ADGRV1: variants seen among roughly 807,000 people sequenced by gnomAD.
ADGRV1 encodes the protein G-protein coupled receptor 98.
In ADGRV1, 359 loss-of-function variants were observed where a neutral mutation model predicts 596.2. That is an observed-to-expected ratio of 0.60 (90% CI 0.55 to 0.66). The LOEUF (loss-of-function observed/expected upper bound fraction) is 0.66, where lower values mean the gene tolerates loss of function less well. Among genes scored for constraint, ADGRV1 ranks in the 30% least tolerant of loss-of-function variants. The pLI, the probability that ADGRV1 is intolerant of heterozygous loss-of-function variation, is 0.00. For synonymous variants in ADGRV1, 2,681 were observed against 2,679.2 expected, an observed-to-expected ratio of 1.00 and a Z score of -0.02; for missense variants, 7,274 against 7,575.6, an observed-to-expected ratio of 0.96 and a Z score of 1.48.
chr5:90,788,029 G>A (rs200214085), intron 67 of ADGRV1, 42 bp from the exon 68 acceptor site: 8 of 1,432,102 alleles, frequency 5.6e-6, no homozygotes, highest in Middle Eastern at 1.8e-4. Context: ...GCTTAAAATT[G>A]ATCTCTATTA....
rs757644038 is a variant in ADGRV1, at chr5:90,725,171, A to G, written c.9992A>G (p.Asn3331Ser). Reference sequence around the variant, plus strand: ...TTTGTGATTACTCATGAAGAAAGAAATGAAGAAAAGCCTTCTCTTAACAGT... The same window carrying G: ...TTTGTGATTACTCATGAAGAAAGAAGTGAAGAAAAGCCTTCTCTTAACAGT... ...PYFVITHEER[N>S]EEKPSLNSVF... The change falls in exon 47 of 90, where the codon AAT becomes AGT. Residue 3331 changes from asparagine (N) to serine (S), a missense_variant. Asn to Ser is a conservative substitution (Grantham distance 46). Around this residue, in one of 5 missense-constraint regions of ADGRV1, gnomAD observed 3,643 missense variants for 3,809.2 expected, o/e 0.96. Transcript: ENST00000405460. 3 of 1,553,750 alleles carry G rather than the reference A, an allele frequency of 1.9e-6. No individual in the cohort carries two copies. Among genetic ancestry groups the G allele is most frequent in the Non-Finnish European group, 1.7e-6 (2 of 1,145,464 alleles).
intron 82 of ADGRV1, 31 bp from the exon 83 acceptor site, chr5:90,863,726 A>G: frequency 1.4e-6 from 2 of 1,477,122 alleles, no homozygotes; most frequent in Non-Finnish European, 1.9e-6. Context: ...ATGGATTATT[A>G]AACCATATGT....
chr5:91,082,171 CAT>C (rs1562193581), intron 86 of ADGRV1, among the ~76,000 whole-genome samples: 1 of 152,216 alleles, frequency 6.6e-6, no homozygotes, highest in African/African-American at 2.4e-5. Flanking sequence ...CTCTTATTGA[CAT>C]GTGCATATCA....
At chr5:91,076,290 C>T (rs994911178) in intron 86 of ADGRV1, among the ~76,000 whole-genome samples, 3 of 152,164 alleles carry the variant, frequency 2.0e-5, no homozygotes, top group Non-Finnish European at 2.9e-5. Context: ...TCATTCCCTT[C>T]TTTATGCCTT....
chr5:90,865,628 A>C (rs1399413149), intron 83 of ADGRV1, among the ~76,000 whole-genome samples: 1 of 152,184 alleles, frequency 6.6e-6, no homozygotes, highest in East Asian at 1.9e-4. Flanking sequence ...AATAACTAAA[A>C]AAGTATTTTC....
rs542365659 is a variant in ADGRV1 at position 90,971,005 on chromosome 5, C to T, written c.17973+5474C>T. Among the ~76,000 whole-genome samples the T allele has an allele frequency of 2.5e-3, 388 of 152,190 alleles. 2 individuals carry two copies. Among genetic ancestry groups the T allele is most frequent in the African/African-American group, 9.0e-3 (375 of 41,520 alleles). On this transcript the variant is annotated intron_variant, in intron 84 of 89. Coordinates refer to ENST00000405460, the MANE Select transcript of ADGRV1 (RefSeq NM_032119.4). ...CTACAATAACCAGTGTAGAGAAGTC[C>T]TTAAATGACCTGATGGAGCTGAAAA...
chr5:91,079,273 C>T (rs1353812551), intron 86 of ADGRV1, among the ~76,000 whole-genome samples: 1 of 152,190 alleles, frequency 6.6e-6, no homozygotes, highest in African/African-American at 2.4e-5. Context: ...ACAGACACTC[C>T]CACTCAAGCT....
At chr5:91,153,822 A>G (rs984457724) in intron 89 of ADGRV1, among the ~76,000 whole-genome samples, 1 of 152,242 alleles carries the variant, frequency 6.6e-6, no homozygotes, top group Non-Finnish European at 1.5e-5. Context: ...ATAATTTCCA[A>G]GTGCTATCAC....
intron 17 of ADGRV1, among the ~76,000 whole-genome samples, chr5:90,650,225 A>C (rs1768393798): frequency 6.6e-6 from 1 of 152,222 alleles, no homozygotes; most frequent in Admixed American, 6.5e-5. Context: ...TATTGGATCA[A>C]AGGATATGGC....
intron 74 of ADGRV1, among the ~76,000 whole-genome samples, chr5:90,812,605 A>G (rs990731607): frequency 6.6e-6 from 1 of 152,138 alleles, no homozygotes. Context: ...TAGAGTTCGT[A>G]TTTTATTTTA....
At chr5:91,034,524 G>C (rs1332868705) in intron 85 of ADGRV1, among the ~76,000 whole-genome samples, 3 of 152,066 alleles carry the variant, frequency 2.0e-5, no homozygotes, top group Non-Finnish European at 4.4e-5. Flanking sequence ...TAAATGTTTT[G>C]AGAGCTTGGC....
intron 87 of ADGRV1, among the ~76,000 whole-genome samples, chr5:91,118,633 T>A (rs1793053877): frequency 6.6e-6 from 1 of 152,122 alleles, no homozygotes; most frequent in Non-Finnish European, 1.5e-5. Context: ...CAAACTGTAA[T>A]CCAGAGTGTG....
intron 84 of ADGRV1, among the ~76,000 whole-genome samples, chr5:90,974,158 C>T (rs1779333916): frequency 6.6e-6 from 1 of 152,112 alleles, no homozygotes; most frequent in Admixed American, 6.5e-5. Context: ...TGAAGGACCT[C>T]TTCAAGGAGA....
In ADGRV1 at chr5:90,700,097, C is replaced by G. The variant is rs78526168; in HGVS notation, c.8155+2951C>G. 3.8e-4 allele frequency among the ~76,000 whole-genome samples: 58 copies of G among 152,100 alleles called. No homozygotes were observed. The East Asian group carries it at 9.7e-3, about 25-fold the overall frequency. ...AAAAACATATTAAGCCACAATAGTT[C>G]AGTATTTTGTGTATGCTTTATATTA... On this transcript the variant is annotated intron_variant, in intron 34 of 89. Coordinates refer to ENST00000405460, the MANE Select transcript of ADGRV1 (RefSeq NM_032119.4).
intron 34 of ADGRV1, among the ~76,000 whole-genome samples, chr5:90,698,461 G>A (rs1747486082): frequency 6.6e-6 from 1 of 152,182 alleles, no homozygotes. Flanking sequence ...CAAAGCCCAT[G>A]CTATATAGGG....
At chr5:91,137,177 C>T (rs1794710608) in intron 87 of ADGRV1, among the ~76,000 whole-genome samples, 1 of 151,940 alleles carries the variant, frequency 6.6e-6, no homozygotes, top group Non-Finnish European at 1.5e-5. Context: ...CCTTGAACTC[C>T]TGGGCTCAAA....
chr5:90,801,289 C>G (rs370546526), intron 70 of ADGRV1, among the ~76,000 whole-genome samples: 1 of 152,150 alleles, frequency 6.6e-6, no homozygotes, highest in African/African-American at 2.4e-5. Context: ...TTAATTACCG[C>G]TCCCTGGGGA....
At position 90,689,951 on chromosome 5, in the gene ADGRV1, A is replaced by G. The variant is rs1262644400; in HGVS notation, c.6581A>G (p.Tyr2194Cys). ...AVPIYVINDI[Y>C]PELEESFLVQ... ...CCAATATATGTCATTAATGATATCTATCCTGAACTGGAAGAATCTTTTCTT... is the reference window on the plus strand; with the variant it reads ...CCAATATATGTCATTAATGATATCTGTCCTGAACTGGAAGAATCTTTTCTT... Residue 2194 changes from tyrosine to cysteine, a missense_variant, in exon 30 of 90, where the codon TAT (tyrosine) becomes TGT (cysteine). Physicochemically the swap from Tyr to Cys is radical, Grantham distance 194 (BLOSUM62 -2). Around this residue, in one of 5 missense-constraint regions of ADGRV1, gnomAD observed 3,643 missense variants for 3,809.2 expected, o/e 0.96. Coordinates refer to ENST00000405460, the MANE Select transcript of ADGRV1 (RefSeq NM_032119.4). The G allele has an allele frequency of 2.5e-6, 4 of 1,612,448 alleles. No individual in the cohort carries two copies. Among genetic ancestry groups the G allele is most frequent in the African/African-American group, 1.3e-5 (1 of 74,904 alleles).
chr5:91,147,242 A>G (rs1245778496), intron 87 of ADGRV1, among the ~76,000 whole-genome samples: 1 of 152,118 alleles, frequency 6.6e-6, no homozygotes, highest in African/African-American at 2.4e-5. Context: ...TACATTGACT[A>G]AATTTTTTGT....
Sources: gnomAD v4.1 joint callset for allele counts (sites outside exome capture counted in the v4.1 genomes callset) on GRCh38, gnomAD v4.1.1 for gene constraint, gnomAD v4.1.1 regional missense constraint, MANE v1.5 for transcripts, NCBI Gene and HGNC (gene_info 2026-07-23, HGNC 2026-07-21) for gene names.